Variants in NOS1AP observed in about 807,000 individuals in gnomAD.
The protein encoded by NOS1AP is carboxyl-terminal PDZ ligand of neuronal nitric oxide synthase protein.
NOS1AP carries 21 observed loss-of-function variants against 56.2 expected under a neutral mutation model. The ratio of observed to expected loss-of-function variants is 0.37; its 90% confidence interval spans 0.26 to 0.54. NOS1AP has a LOEUF of 0.54. NOS1AP is among the 20% of genes least tolerant of loss of function. The pLI is 0.84. For missense variants in NOS1AP, 522 were observed against 657.8 expected, an observed-to-expected ratio of 0.79 and a Z score of 2.26; for synonymous variants, 270 against 274.6, an observed-to-expected ratio of 0.98 and a Z score of 0.17.
chr1:162,201,954 A>T (rs1207287902), intron 2 of NOS1AP, among the ~76,000 whole-genome samples: 1 of 152,202 alleles, frequency 6.6e-6, no homozygotes, highest in African/African-American at 2.4e-5. Context: ...AAAAGGGATA[A>T]CACATTGCAG....
At chr1:162,334,002 G>T (rs1251918759) in intron 5 of NOS1AP, among the ~76,000 whole-genome samples, 1 of 152,158 alleles carries the variant, frequency 6.6e-6, no homozygotes, top group Non-Finnish European at 1.5e-5. Flanking sequence ...ACCCTAGTAA[G>T]TCCATCATTC....
chr1:162,275,943 A>T (rs897710652), intron 2 of NOS1AP, among the ~76,000 whole-genome samples: 1 of 152,212 alleles, frequency 6.6e-6, no homozygotes, highest in Non-Finnish European at 1.5e-5. Flanking sequence ...ACCATGGCTC[A>T]TGGATCAACT....
chr1:162,251,827 A>G (rs1430991167), intron 2 of NOS1AP, among the ~76,000 whole-genome samples: 1 of 147,970 alleles, frequency 6.8e-6, no homozygotes, highest in Non-Finnish European at 1.5e-5. Context: ...AGCTGGGACT[A>G]CAGGCATGCA....
At chr1:162,146,934 T>A (rs1485384754) in intron 1 of NOS1AP, among the ~76,000 whole-genome samples, 1 of 152,222 alleles carries the variant, frequency 6.6e-6, no homozygotes. Context: ...ATTTTTTCTA[T>A]CTTGTTCAGA....
At chr1:162,312,622 C>G (rs1464212745) in intron 4 of NOS1AP, among the ~76,000 whole-genome samples, 2 of 146,242 alleles carry the variant, frequency 1.4e-5, no homozygotes, top group African/African-American at 5.0e-5. Flanking sequence ...CTTTTGTTGC[C>G]ATTGCTTTTG....
At chr1:162,288,204 A>G (rs77533118) in intron 3 of NOS1AP, among the ~76,000 whole-genome samples, 1,636 of 152,276 alleles carry the variant, frequency 0.011, 17 homozygotes, top group Non-Finnish European at 0.019. Context: ...CTGATTGAGT[A>G]TATATAAGGA....
chr1:162,325,100 C>A (rs1394629972), intron 4 of NOS1AP, among the ~76,000 whole-genome samples: 1 of 151,934 alleles, frequency 6.6e-6, no homozygotes, highest in East Asian at 1.9e-4. Context: ...GTCATCAAAT[C>A]GAGAATGGCT....
Position 162,370,420 on chromosome 1 carries a change from C to T in NOS1AP, c.*2953C>T, listed in dbSNP as rs1177458341. On this transcript the variant is annotated 3_prime_UTR_variant, in exon 10 of 10. Coordinates refer to ENST00000361897, the MANE Select transcript of NOS1AP (RefSeq NM_014697.3). The stretch of plus-strand genomic sequence containing the variant: ...TCTGTTAATGTAAGTGCACTTACTC[C>T]CTGGATGTTGTCACTAGTCTAGTGG... The T allele has an allele frequency of 6.6e-6, 1 of 152,168 alleles. No homozygotes were observed. The highest frequency in any genetic ancestry group is 1.9e-4 in the East Asian group (1 of 5,200). The allele number at this position is 152,168 out of a possible 1,614,324, so 9.4% of individuals were successfully genotyped here. A position where few individuals can be genotyped will look rare whatever the true frequency, so the allele number is the denominator to read the frequency against.
chr1:162,343,728 A>G lies in NOS1AP; in HGVS notation c.454-107A>G, dbSNP rs3751285. On this transcript the variant is annotated intron_variant, in intron 5 of 9. Transcript: ENST00000361897. ...CACTCATTTGTATGTGCATATCTGAACAACTTTAGATTTTTCTGTCTCTTT... is the reference window on the plus strand; with the variant it reads ...CACTCATTTGTATGTGCATATCTGAGCAACTTTAGATTTTTCTGTCTCTTT... 382,451 of 1,317,090 alleles carry G rather than the reference A, an allele frequency of 0.29. 58,120 individuals are homozygous for G. Among genetic ancestry groups the G allele is most frequent in the East Asian group, 0.51 (21,929 of 43,268 alleles). 81.6% of individuals were successfully genotyped at this position (1,317,090 alleles called of 1,614,324 possible).
rs570266547 is a variant in NOS1AP, at chr1:162,160,299, G to A, written c.177+5823G>A. Among the ~76,000 whole-genome samples the A allele has an allele frequency of 3.8e-4, 58 of 152,216 alleles. 1 individual carries two copies. The South Asian group carries it at 0.011, about 30-fold the overall frequency. ...GTCTTGGCCTTGAACAGAATTCACC[G>A]GTGACCAGAAAATGGCCAAGCCCTC... On this transcript the variant is annotated intron_variant, in intron 2 of 9. Transcript: ENST00000361897.
intron 8 of NOS1AP, among the ~76,000 whole-genome samples, chr1:162,357,869 C>T (rs1003440903): frequency 1.3e-5 from 2 of 151,888 alleles, no homozygotes; most frequent in Admixed American, 1.3e-4. Flanking sequence ...CTATAGAGGG[C>T]GCTGTAGTCC....
chr1:162,262,962 TTC>T (rs1654287347), intron 2 of NOS1AP, among the ~76,000 whole-genome samples: 1 of 152,226 alleles, frequency 6.6e-6, no homozygotes, highest in Non-Finnish European at 1.5e-5. Flanking sequence ...AACCCCACCT[TTC>T]TGCCAGAATA....
intron 2 of NOS1AP, among the ~76,000 whole-genome samples, chr1:162,177,666 A>T (rs1651111901): frequency 6.6e-6 from 1 of 152,146 alleles, no homozygotes; most frequent in East Asian, 1.9e-4. Flanking sequence ...AAATGATGTG[A>T]TTTTTCTATT....
At chr1:162,248,919 C>T (rs1653761045) in intron 2 of NOS1AP, among the ~76,000 whole-genome samples, 2 of 149,348 alleles carry the variant, frequency 1.3e-5, no homozygotes, top group South Asian at 2.1e-4. Flanking sequence ...AACCACAGCA[C>T]CCCCCCCTTT....
intron 2 of NOS1AP, among the ~76,000 whole-genome samples, chr1:162,232,038 G>A (rs1489478731): frequency 6.6e-6 from 1 of 152,166 alleles, no homozygotes; most frequent in African/African-American, 2.4e-5. Flanking sequence ...TAAAGTTTAT[G>A]CTCTTGTAGC....
At chr1:162,126,902 A>G (rs952312449) in intron 1 of NOS1AP, among the ~76,000 whole-genome samples, 1 of 152,186 alleles carries the variant, frequency 6.6e-6, no homozygotes, top group Non-Finnish European at 1.5e-5. Context: ...ACAATCTTAC[A>G]TTCTGTAGCA....
chr1:162,122,912 T>C (rs1241222231), intron 1 of NOS1AP, among the ~76,000 whole-genome samples: 1 of 152,232 alleles, frequency 6.6e-6, no homozygotes, highest in East Asian at 1.9e-4. Context: ...TATGTAAATG[T>C]AATTATTTGT....
chr1:162,227,913 G>A (rs1207640232), intron 2 of NOS1AP, among the ~76,000 whole-genome samples: 1 of 152,196 alleles, frequency 6.6e-6, no homozygotes, highest in East Asian at 1.9e-4. Flanking sequence ...GGAGCAGTCT[G>A]AAAAGTTTGA....
intron 1 of NOS1AP, among the ~76,000 whole-genome samples, chr1:162,072,611 G>A (rs779936381): frequency 2.6e-5 from 4 of 152,166 alleles, no homozygotes; most frequent in South Asian, 2.1e-4. Flanking sequence ...TAAGGGGAGT[G>A]GTGGAACTTC....
Sources: gnomAD v4.1 joint callset for allele counts (sites outside exome capture counted in the v4.1 genomes callset) on GRCh38, gnomAD v4.1.1 for gene constraint, MANE v1.5 for transcripts, NCBI Gene and HGNC (gene_info 2026-07-23, HGNC 2026-07-21) for gene names.